Variants in SEC11A observed in about 807,000 individuals in gnomAD.
The protein encoded by SEC11A is SEC11 homolog A, signal peptidase complex subunit.
In SEC11A, 14 loss-of-function variants were observed where a neutral mutation model predicts 25.6. That is an observed-to-expected ratio of 0.55 (90% CI 0.36 to 0.85). SEC11A has a LOEUF of 0.85. Among genes scored for constraint, SEC11A ranks in the 40% least tolerant of loss-of-function variants. The pLI is 0.01. For synonymous variants in SEC11A, 83 were observed against 76.4 expected (o/e 1.09, Z -0.45); for missense variants, 153 against 222.9 (o/e 0.69, Z 2.00).
chr15:84,679,153 C>G (rs986877125), intron 4 of SEC11A: 3 of 501,770 alleles, frequency 6.0e-6, no homozygotes, highest in Non-Finnish European at 9.5e-6. Context: ...TCTTATGTTT[C>G]TACATGAATC....
chr15:84,707,376 G>C (rs762573697), intron 1 of SEC11A, among the ~76,000 whole-genome samples: 2 of 151,962 alleles, frequency 1.3e-5, no homozygotes, highest in South Asian at 2.1e-4. Flanking sequence ...AGTAGAGAAA[G>C]GGTTTCACCA....
chr15:84,676,451 CA>C (rs71453257), intron 4 of SEC11A, among the ~76,000 whole-genome samples: 28,213 of 137,582 alleles, frequency 0.21, 3,317 homozygotes, highest in Middle Eastern at 0.38. Context: ...AACTCTGTCT[CA>C]AAAAAAAAAA....
rs1395894697 is a variant in SEC11A at position 84,676,265 on chromosome 15, G to T, written c.431+4448C>A. Among the ~76,000 whole-genome samples, 3 of 152,048 alleles carry T rather than the reference G, an allele frequency of 2.0e-5. No individual in the cohort carries two copies. In the East Asian group the frequency reaches 5.8e-4, roughly 29 times the overall value. On this transcript the variant is annotated intron_variant, in intron 4 of 5. Transcript: ENST00000268220. ...TGCAGCTGTTAAAAAAAAAGAGAGA[G>T]ACCAGCCTGGCCAACATGGTGAAAC...
intron 3 of SEC11A, 29 bp downstream of exon 3, chr15:84,687,596 G>T: frequency 6.6e-7 from 1 of 1,511,964 alleles, no homozygotes; most frequent in Non-Finnish European, 8.8e-7. Context: ...AAAGCACTTA[G>T]AAACAAAGAT....
chr15:84,715,509 G>A (rs1898432512), intron 1 of SEC11A, among the ~76,000 whole-genome samples: 3 of 152,184 alleles, frequency 2.0e-5, no homozygotes, highest in Non-Finnish European at 4.4e-5. Flanking sequence ...GGAGCCCAGA[G>A]TGGTCCAAGT....
At chr15:84,701,071 G>A (rs1202999569) in intron 1 of SEC11A, among the ~76,000 whole-genome samples, 1 of 150,500 alleles carries the variant, frequency 6.6e-6, no homozygotes, top group Non-Finnish European at 1.5e-5. Flanking sequence ...CAGCAGACAG[G>A]TGAAAATAAC....
In SEC11A at chr15:84,716,110, A is replaced by C; in HGVS notation, c.-35T>G. ...GGCGAGCAGGACACCGGCAGGGGAA[A>C]GGGCGCGATGACCAGCGGGCGGAAC... On this transcript the variant is annotated 5_prime_UTR_variant, in exon 1 of 6. Transcript: ENST00000268220. 1 of 1,608,282 alleles carries C rather than the reference A, an allele frequency of 6.2e-7. No individual in the cohort carries two copies. The highest frequency in any genetic ancestry group is 8.5e-7 in the Non-Finnish European group (1 of 1,175,492).
At chr15:84,683,688 T>C (rs925928058) in intron 3 of SEC11A, among the ~76,000 whole-genome samples, 17 of 152,016 alleles carry the variant, frequency 1.1e-4, no homozygotes, top group Non-Finnish European at 2.1e-4. Flanking sequence ...CCATGCCCAG[T>C]TAATTTTTGT....
intron 1 of SEC11A, among the ~76,000 whole-genome samples, chr15:84,707,628 A>T (rs1290204800): frequency 6.6e-6 from 1 of 152,166 alleles, no homozygotes; most frequent in Non-Finnish European, 1.5e-5. Context: ...TGGATTCTAC[A>T]GCTCACTTTC....
At chr15:84,705,737 C>A (rs997770536) in intron 1 of SEC11A, among the ~76,000 whole-genome samples, 2 of 151,430 alleles carry the variant, frequency 1.3e-5, no homozygotes, top group African/African-American at 4.9e-5. Flanking sequence ...CATCTGTAGT[C>A]CCAGCTACTC....
intron 1 of SEC11A, among the ~76,000 whole-genome samples, chr15:84,702,786 C>T (rs1196934970): frequency 1.3e-5 from 2 of 152,132 alleles, no homozygotes; most frequent in African/African-American, 2.4e-5. Flanking sequence ...ACTCCAGGCT[C>T]AGATGGTATT....
chr15:84,700,257 T>C (rs1897889452), intron 1 of SEC11A, among the ~76,000 whole-genome samples: 2 of 151,508 alleles, frequency 1.3e-5, no homozygotes, highest in African/African-American at 4.9e-5. Flanking sequence ...GAAAAATCAA[T>C]AAACAGAAAC....
chr15:84,685,267 T>C (rs1427026092), intron 3 of SEC11A, among the ~76,000 whole-genome samples: 1 of 152,278 alleles, frequency 6.6e-6, no homozygotes, highest in East Asian at 1.9e-4. Flanking sequence ...TTTTCTTTTT[T>C]CTTTTTTTGA....
chr15:84,701,690 G>C (rs1048893160), intron 1 of SEC11A, among the ~76,000 whole-genome samples: 1 of 152,032 alleles, frequency 6.6e-6, no homozygotes. Context: ...AAGAAAAAAA[G>C]AGAAAAACAC....
At chr15:84,683,777 G>A (rs963773423) in intron 3 of SEC11A, among the ~76,000 whole-genome samples, 1 of 151,802 alleles carries the variant, frequency 6.6e-6, no homozygotes, top group African/African-American at 2.4e-5. Flanking sequence ...CGCCCTCCTC[G>A]GCCTCCCAAA....
chr15:84,702,976 A>G (rs1897992508), intron 1 of SEC11A, among the ~76,000 whole-genome samples: 1 of 152,216 alleles, frequency 6.6e-6, no homozygotes, highest in South Asian at 2.1e-4. Context: ...AAGCTGTACT[A>G]GTACCTGGGA....
Position 84,716,115 on chromosome 15 carries a change from G to A in SEC11A, c.-40C>T, listed in dbSNP as rs374227460. ...GCAGGACACCGGCAGGGGAAAGGGCGCGATGACCAGCGGGCGGAACTACTG... is the reference window on the plus strand; with the variant it reads ...GCAGGACACCGGCAGGGGAAAGGGCACGATGACCAGCGGGCGGAACTACTG... On this transcript the variant is annotated 5_prime_UTR_variant, in exon 1 of 6. Transcript: ENST00000268220. The A allele has an allele frequency of 1.3e-5, 20 of 1,596,490 alleles. No homozygotes were observed. In the African/African-American group the frequency reaches 2.3e-4, roughly 18 times the overall value.
intron 1 of SEC11A, among the ~76,000 whole-genome samples, chr15:84,707,124 G>C (rs1193965976): frequency 1.3e-5 from 2 of 151,152 alleles, no homozygotes; most frequent in Admixed American, 6.6e-5. Flanking sequence ...ATTCCTCTGG[G>C]TCTCTAACCC....
intron 3 of SEC11A, among the ~76,000 whole-genome samples, chr15:84,683,649 C>G (rs1349330647): frequency 2.0e-5 from 3 of 151,898 alleles, no homozygotes; most frequent in Admixed American, 6.6e-5. Flanking sequence ...CTCAGCCTCC[C>G]GAGCAGCTGG....
Sources: allele counts gnomAD v4.1 joint callset (sites outside exome capture counted in the v4.1 genomes callset), GRCh38; gene constraint gnomAD v4.1.1; transcripts MANE v1.5; gene names NCBI Gene and HGNC (gene_info 2026-07-23, HGNC 2026-07-21).